FMN1: variants seen among roughly 807,000 people sequenced by gnomAD.
FMN1 encodes the protein formin-1.
In FMN1, 110 loss-of-function variants were observed where a neutral mutation model predicts 132.4. The observed-to-expected ratio is 0.83, with a 90% CI of 0.71 to 0.97. The LOEUF is 0.97. Ranked by LOEUF, FMN1 falls within the 50% of genes least tolerant of loss-of-function variation. The pLI is 0.00. For missense variants in FMN1, 1,792 were observed against 1,705.3 expected (o/e 1.05, Z -0.90); for synonymous variants, 722 against 651.7 (o/e 1.11, Z -1.64).
At chr15:33,012,865 G>T (rs542750533) in intron 6 of FMN1, 23 of 598,366 alleles carry the variant, frequency 3.8e-5, no homozygotes, top group African/African-American at 3.1e-4. Flanking sequence ...TGGTAATGAT[G>T]GGAGCAACAC....
At chr15:32,955,985 A>G (rs1423732328) in intron 9 of FMN1, among the ~76,000 whole-genome samples, 1 of 152,178 alleles carries the variant, frequency 6.6e-6, no homozygotes, top group Non-Finnish European at 1.5e-5. Flanking sequence ...AATACCTTCA[A>G]GTCTTTCTAA....
intron 16 of FMN1, among the ~76,000 whole-genome samples, chr15:32,858,479 G>A (rs139443078): frequency 0.013 from 1,995 of 152,314 alleles, 27 homozygotes; most frequent in Non-Finnish European, 0.022. Context: ...ATTTTCAGAG[G>A]TATCTAGGGA....
chr15:33,102,744 G>C (rs149753132), intron 4 of FMN1, among the ~76,000 whole-genome samples: 2 of 152,090 alleles, frequency 1.3e-5, no homozygotes, highest in African/African-American at 2.4e-5. Flanking sequence ...CTAAAGTTGG[G>C]AGACAGATTA....
chr15:32,801,562 C>T (rs1241624174), intron 18 of FMN1, among the ~76,000 whole-genome samples: 4 of 151,918 alleles, frequency 2.6e-5, no homozygotes, highest in African/African-American at 4.8e-5. Context: ...GTCAGGAGAT[C>T]GAGACCATCC....
chr15:33,102,077 T>G (rs935505986), intron 4 of FMN1, among the ~76,000 whole-genome samples: 2 of 151,972 alleles, frequency 1.3e-5, no homozygotes, highest in African/African-American at 4.8e-5. Context: ...CCCTTTTCTA[T>G]TCTTTTGGGT....
chr15:33,035,872 A>G (rs1040038405), intron 6 of FMN1, among the ~76,000 whole-genome samples: 1 of 152,180 alleles, frequency 6.6e-6, no homozygotes, highest in Non-Finnish European at 1.5e-5. Flanking sequence ...TGACCTCATG[A>G]ATAGATTAAT....
chr15:32,939,686 A>G (rs565450845), intron 9 of FMN1, among the ~76,000 whole-genome samples: 1 of 152,328 alleles, frequency 6.6e-6, no homozygotes, highest in East Asian at 1.9e-4. Flanking sequence ...ATGAAGATAA[A>G]CTAATATTGG....
Position 33,112,705 on chromosome 15 carries a change from G to A in FMN1, c.1868-23731C>T, listed in dbSNP as rs74788858. The stretch of plus-strand genomic sequence containing the variant: ...TTTCACCACTACTTGTTGAGTACGT[G>A]ATAACAGTCACGGCTGCCCAATCAA... On this transcript the variant is annotated intron_variant, in intron 4 of 20. Transcript: ENST00000616417. Among the ~76,000 whole-genome samples, 810 of 152,210 alleles carry A rather than the reference G, an allele frequency of 5.3e-3. 11 individuals carry two copies. The highest frequency in any genetic ancestry group is 0.019 in the African/African-American group (775 of 41,538).
intron 9 of FMN1, among the ~76,000 whole-genome samples, chr15:32,954,690 C>G (rs149258492): frequency 6.6e-6 from 1 of 152,118 alleles, no homozygotes; most frequent in Non-Finnish European, 1.5e-5. Context: ...TAAATGCAGA[C>G]GAATGCCCAT....
chr15:32,794,034 C>G (rs1258750), intron 19 of FMN1, among the ~76,000 whole-genome samples: 142,045 of 152,252 alleles, frequency 0.93, 67,073 homozygotes, highest in Non-Finnish European at 1. Flanking sequence ...GTAGGGAGCT[C>G]TGAGAACAGC....
intron 19 of FMN1, among the ~76,000 whole-genome samples, chr15:32,796,198 T>G (rs1410162937): frequency 2.6e-5 from 4 of 152,198 alleles, no homozygotes; most frequent in African/African-American, 9.7e-5. Flanking sequence ...CCACCTAAAA[T>G]TAACCTCCAG....
chr15:32,847,468 C>T (rs1369361389), intron 17 of FMN1, among the ~76,000 whole-genome samples: 3 of 152,140 alleles, frequency 2.0e-5, no homozygotes, highest in African/African-American at 4.8e-5. Flanking sequence ...CGTGGTGGCT[C>T]GTGCCTGTAA....
intron 16 of FMN1, among the ~76,000 whole-genome samples, chr15:32,884,248 T>A (rs371322517): frequency 7.2e-5 from 11 of 152,212 alleles, no homozygotes; most frequent in East Asian, 3.9e-4. Flanking sequence ...CTCAAGGTGC[T>A]GACAGGGCTG....
At chr15:33,167,970 T>C (rs930749240) in intron 3 of FMN1, among the ~76,000 whole-genome samples, 1 of 152,194 alleles carries the variant, frequency 6.6e-6, no homozygotes, top group Non-Finnish European at 1.5e-5. Context: ...ACACTTGGTA[T>C]AACTTTTATT....
At chr15:32,974,944 T>A (rs2032084500) in intron 7 of FMN1, among the ~76,000 whole-genome samples, 1 of 152,222 alleles carries the variant, frequency 6.6e-6, no homozygotes, top group South Asian at 2.1e-4. Context: ...ATTCTTTCCA[T>A]GATACTCATG....
chr15:32,887,327 TC>T (rs1281249829), intron 16 of FMN1, among the ~76,000 whole-genome samples: 1 of 152,144 alleles, frequency 6.6e-6, no homozygotes, highest in Non-Finnish European at 1.5e-5. Flanking sequence ...CTCTAAATCC[TC>T]CGCAGAGCTC....
chr15:32,790,611 TG>T (rs2057042277), intron 19 of FMN1, among the ~76,000 whole-genome samples: 1 of 152,220 alleles, frequency 6.6e-6, no homozygotes. Context: ...TGGGAGCTGC[TG>T]ATCTCTAACA....
At chr15:33,051,654 A>C (rs2036978928) in intron 6 of FMN1, among the ~76,000 whole-genome samples, 1 of 152,174 alleles carries the variant, frequency 6.6e-6, no homozygotes, top group Non-Finnish European at 1.5e-5. Context: ...CAGAGTTTTT[A>C]GCTGGTATAT....
chr15:32,943,832 CTAAG>C (rs576688314), intron 9 of FMN1, among the ~76,000 whole-genome samples: 23 of 152,236 alleles, frequency 1.5e-4, no homozygotes, highest in African/African-American at 4.8e-4. Context: ...AAAAAATCTT[CTAAG>C]TAATAGACAT....
Sources: allele counts gnomAD v4.1 joint callset (sites outside exome capture counted in the v4.1 genomes callset), GRCh38; gene constraint gnomAD v4.1.1; transcripts MANE v1.5; gene names NCBI Gene and HGNC (gene_info 2026-07-23, HGNC 2026-07-21).